MICAL1: variants seen among roughly 807,000 people sequenced by gnomAD.
The protein encoded by MICAL1 is microtubule associated monooxygenase, calponin and LIM domain containing 1.
A neutral mutation model predicts 131.8 loss-of-function variants in MICAL1; 95 were observed. The observed-to-expected ratio is 0.72, with a 90% CI of 0.61 to 0.86. MICAL1 has a LOEUF of 0.86. Among genes scored for constraint, MICAL1 ranks in the 40% least tolerant of loss-of-function variants. MICAL1 has a pLI of 0.00. For missense variants in MICAL1, 1,292 were observed against 1,380.6 expected, an observed-to-expected ratio of 0.94 and a Z score of 1.02; for synonymous variants, 546 against 554.2, an observed-to-expected ratio of 0.99 and a Z score of 0.21.
chr6:109,462,793 G>A (rs900932858), intron 1 of MICAL1: 4 of 152,158 alleles, frequency 2.6e-5, no homozygotes, highest in African/African-American at 7.2e-5. Flanking sequence ...CCTTCAAAAC[G>A]AGGTGTTTCA....
At chr6:109,445,981 G>A (rs1297433988) in intron 19 of MICAL1, 119 bp from the exon 20 acceptor site, 43 of 1,494,812 alleles carry the variant, frequency 2.9e-5, no homozygotes, top group Middle Eastern at 4.7e-4. Flanking sequence ...ATGTGTTGGG[G>A]CATGGGAGGA....
At chr6:109,458,456 A>AT (rs1775810292), upstream of MICAL1, among the ~76,000 whole-genome samples, 1 of 152,170 alleles carries the variant, frequency 6.6e-6, no homozygotes, top group South Asian at 2.1e-4. Flanking sequence ...TTAGCCAGGC[A>AT]TGGTGGCACA....
chr6:109,451,919 G>T, intron 6 of MICAL1: 1 of 1,385,814 alleles, frequency 7.2e-7, no homozygotes, highest in Non-Finnish European at 9.3e-7. Context: ...CTTGGAGGGG[G>T]GTGGCATTTG....
Position 109,445,546 on chromosome 6 carries a change from C to T in MICAL1, c.2674-17G>A. 1 of 1,613,336 alleles carries T rather than the reference C, an allele frequency of 6.2e-7. No homozygotes were observed. Among genetic ancestry groups the T allele is most frequent in the South Asian group, 1.1e-5 (1 of 91,052 alleles). ...CTGCAGGGCCTATAGGAGGGTCAGGCCAGTCAGGGATAGGGCCTGGGCCCC... is the reference window on the plus strand; with the variant it reads ...CTGCAGGGCCTATAGGAGGGTCAGGTCAGTCAGGGATAGGGCCTGGGCCCC... On this transcript the variant is annotated splice_polypyrimidine_tract_variant and intron_variant, in intron 20 of 24. Transcript: ENST00000358807.
At chr6:109,465,412 C>T (rs1253189756) in intron 1 of MICAL1, 2 of 531,346 alleles carry the variant, frequency 3.8e-6, no homozygotes, top group African/African-American at 3.8e-5. Flanking sequence ...AACTGTGTTG[C>T]CTAAGAAAAA....
intron 1 of MICAL1, chr6:109,465,635 A>G (rs766803892): frequency 7.1e-6 from 11 of 1,541,748 alleles, no homozygotes; most frequent in Non-Finnish European, 9.6e-6. Flanking sequence ...CCATTCAATA[A>G]TATTGAAATG....
chr6:109,452,101 A>G lies in MICAL1; in HGVS notation c.832+145T>C, dbSNP rs918051407. The G allele has an allele frequency of 3.5e-6, 5 of 1,440,752 alleles. No individual in the cohort carries two copies. In the African/African-American group the frequency reaches 7.1e-5, roughly 20 times the overall value. The allele number at this position is 1,440,752 out of a possible 1,614,324, so 89.2% of individuals were successfully genotyped here. On this transcript the variant is annotated intron_variant, in intron 6 of 24. Transcript: ENST00000358807. ...CTGTGCTTGCTTAATCCCTGAGGGG[A>G]CAGGTTCCTTCTCCTTTGCTGCTGA...
Position 109,455,166 on chromosome 6 carries a change from G to A in MICAL1, c.-44+553C>T, listed in dbSNP as rs887789324. ...TGCCCGAGGGGGTTTCTCACGCGGG[G>A]CCCAGAAGGTATCAGAGGGTATGGA... On this transcript the variant is annotated intron_variant, in intron 1 of 24. Transcript: ENST00000358807. The surrounding 1 kb of genome is among the most constrained non-coding windows in gnomAD (Gnocchi z 4.7). Among the ~76,000 whole-genome samples the A allele has an allele frequency of 6.6e-6, 1 of 152,196 alleles. No homozygotes were observed. Among genetic ancestry groups the A allele is most frequent in the Admixed American group, 6.5e-5 (1 of 15,284 alleles).
chr6:109,455,455 G>C lies in MICAL1; in HGVS notation c.-44+264C>G, dbSNP rs1271795219. 6.6e-6 allele frequency among the ~76,000 whole-genome samples: 1 copy of C among 152,178 alleles called. No individual in the cohort carries two copies. The highest frequency in any genetic ancestry group is 1.5e-5 in the Non-Finnish European group (1 of 68,022). ...GGGGAGAAAGGAGCGACCCAGCCTG[G>C]AAACGCCAGGACAAAGGCTGTGAGA... On this transcript the variant is annotated intron_variant, in intron 1 of 24. Coordinates refer to ENST00000358807, the MANE Select transcript of MICAL1 (RefSeq NM_022765.4). The surrounding 1 kb of genome is among the most constrained non-coding windows in gnomAD (Gnocchi z 4.7).
rs993888185 is a variant in MICAL1, at chr6:109,446,711, T to A, written c.2289A>T (p.Arg763Ser). ...CAGTCTTTACCGGACTCTCAGGGCC[T>A]CTATCGCTGCCTTCCGCTTTGTGGT... Reference protein sequence around the residue: ...QTDHKAEGSDRGPESPELPTP... With the variant: ...QTDHKAEGSDSGPESPELPTP... The change falls in exon 18 of 25, where the codon AGA becomes AGT. Residue 763 changes from arginine (R) to serine (S), a missense_variant. By Grantham distance (110) the Arg-to-Ser change is moderately radical. Transcript: ENST00000358807. 9 of 1,613,674 alleles carry A rather than the reference T, an allele frequency of 5.6e-6. No individual in the cohort carries two copies. The African/African-American group carries it at 9.3e-5, about 17-fold the overall frequency.
upstream of MICAL1, among the ~76,000 whole-genome samples, chr6:109,456,924 A>G (rs1416535649): frequency 2.0e-5 from 3 of 152,112 alleles, no homozygotes; most frequent in Non-Finnish European, 4.4e-5. Flanking sequence ...GACGCATGAA[A>G]GGCTGGCATT....
At chr6:109,451,061 C>T (rs566581719) in intron 7 of MICAL1, among the ~76,000 whole-genome samples, 60 of 152,240 alleles carry the variant, frequency 3.9e-4, no homozygotes, top group African/African-American at 1.4e-3. Flanking sequence ...AAATGCCTGC[C>T]CTCATGGAGC....
chr6:109,444,418 GTGA>G, intron 24 of MICAL1, 79 bp from the exon 25 acceptor site: 1 of 1,584,302 alleles, frequency 6.3e-7, no homozygotes, highest in Non-Finnish European at 8.6e-7. Context: ...CCCAGCCTAT[GTGA>G]TTTCTATAAC....
intron 6 of MICAL1, 70 bp downstream of exon 6, chr6:109,452,176 G>C (rs1775568929): frequency 6.5e-7 from 1 of 1,545,794 alleles, no homozygotes; most frequent in Non-Finnish European, 8.7e-7. Flanking sequence ...GGACAAGTTT[G>C]GAAGGGAGAG....
intron 10 of MICAL1, 37 bp from the exon 11 acceptor site, chr6:109,449,518 CCA>C (rs1562290301): frequency 6.2e-7 from 1 of 1,612,910 alleles, no homozygotes; most frequent in Non-Finnish European, 8.5e-7. Context: ...GGCAGGCTGG[CCA>C]CACAGCCCCT....
Position 109,452,413 on chromosome 6 carries a change from G to A in MICAL1, c.677-12C>T, listed in dbSNP as rs553743421. ...TCGAACTTTGAAGCCTAGAGGTGGCGGTAGGTGAACAATGGCAGGAGGAGG... is the reference window on the plus strand; with the variant it reads ...TCGAACTTTGAAGCCTAGAGGTGGCAGTAGGTGAACAATGGCAGGAGGAGG... On this transcript the variant is annotated splice_polypyrimidine_tract_variant and intron_variant, in intron 5 of 24. Transcript: ENST00000358807. 2.1e-5 allele frequency: 34 copies of A among 1,613,296 alleles called. No individual in the cohort carries two copies. The highest frequency in any genetic ancestry group is 2.4e-5 in the Non-Finnish European group (28 of 1,179,384).
At chr6:109,444,408 C>A in intron 24 of MICAL1, 69 bp from the exon 25 acceptor site, 1 of 1,598,100 alleles carries the variant, frequency 6.3e-7, no homozygotes, top group Non-Finnish European at 8.5e-7. Flanking sequence ...ACAACCTAAT[C>A]CCAGCCTATG....
At chr6:109,455,777 G>A, upstream of MICAL1, 1 of 962,292 alleles carries the variant, frequency 1.0e-6, no homozygotes, top group Non-Finnish European at 1.2e-6. This position sits in a 1 kb window ranked among gnomAD's most constrained non-coding sequence, Gnocchi z 4.7. Flanking sequence ...AGGTCTGAGC[G>A]GGTGGGAGGG....
chr6:109,447,497 G>C (rs1382985810), intron 15 of MICAL1, 57 bp from the exon 16 acceptor site: 1 of 1,551,664 alleles, frequency 6.4e-7, no homozygotes, highest in Non-Finnish European at 8.8e-7. Context: ...GCTGGGAGGG[G>C]ATGCGTACAG....
Sources: gnomAD v4.1 joint callset for allele counts (sites outside exome capture counted in the v4.1 genomes callset) on GRCh38, gnomAD v4.1.1 for gene constraint, Gnocchi (gnomAD v3.1) non-coding constraint, MANE v1.5 for transcripts, NCBI Gene and HGNC (gene_info 2026-07-23, HGNC 2026-07-21) for gene names.